The following ZNF790 variants were observed in gnomAD, a reference collection of about 807,000 sequenced individuals.
The protein encoded by ZNF790 is zinc finger protein 790.
In ZNF790, 8 loss-of-function variants were observed where a neutral mutation model predicts 12.1. The ratio of observed to expected loss-of-function variants is 0.66; its 90% CI spans 0.39 to 1.19. The LOEUF is 1.19. Among genes scored for constraint, ZNF790 ranks in the 50% most tolerant of loss-of-function variants. ZNF790 has a pLI of 0.01. For synonymous variants in ZNF790, 252 were observed against 244.3 expected, an observed-to-expected ratio of 1.03 and a Z score of -0.29; for missense variants, 707 against 752.2, an observed-to-expected ratio of 0.94 and a Z score of 0.70.
Position 36,819,586 on chromosome 19 carries a change from G to C in ZNF790, c.758C>G (p.Pro253Arg), listed in dbSNP as rs2071620756. ...TTTCCCACAATCCTTACATTTAAAA[G>C]GTTTCTCACCGGTATGAATTCTCTT... ...GHKRIHTGEK[P>R]FKCKDCGKAF... is the part of the protein sequence containing the mutation. Residue 253 changes from proline (P) to arginine (R), a missense_variant, in exon 5 of 5, where the codon CCT becomes CGT. Pro to Arg is a moderately radical substitution (Grantham distance 103). Coordinates refer to ENST00000356725, the MANE Select transcript of ZNF790 (RefSeq NM_206894.4). 2.5e-6 allele frequency: 4 copies of C among 1,610,382 alleles called. No individual in the cohort carries two copies. Among genetic ancestry groups the C allele is most frequent in the Non-Finnish European group, 3.4e-6 (4 of 1,178,096 alleles).
chr19:36,832,972 C>A (rs2071971022), intron 1 of ZNF790, among the ~76,000 whole-genome samples: 1 of 102,964 alleles, frequency 9.7e-6, no homozygotes, highest in African/African-American at 3.5e-5. Context: ...ATGAGACCTT[C>A]TCTAAAAAAA....
chr19:36,833,363 G>A (rs1014455120), intron 1 of ZNF790, among the ~76,000 whole-genome samples: 2 of 152,114 alleles, frequency 1.3e-5, no homozygotes, highest in Non-Finnish European at 2.9e-5. Context: ...GGCTGGTCTC[G>A]AACTCCTGAC....
intron 1 of ZNF790, among the ~76,000 whole-genome samples, 171 bp from the exon 2 acceptor site, chr19:36,825,863 T>C (rs2071785498): frequency 6.6e-6 from 1 of 152,190 alleles, no homozygotes; most frequent in South Asian, 2.1e-4. Flanking sequence ...GTCGAATCAC[T>C]TATGCCAAAA....
At position 36,823,310 on chromosome 19, in the gene ZNF790, C is replaced by T. The variant is rs1339132265; in HGVS notation, c.204G>A (p.Arg68=). The T allele has an allele frequency of 1.2e-6, 2 of 1,614,014 alleles. No individual in the cohort carries two copies. Among genetic ancestry groups the T allele is most frequent in the South Asian group, 1.1e-5 (1 of 91,070 alleles). Residue 68 remains arginine, a synonymous_variant, in exon 4 of 5, where the codon AGG becomes AGA. Coordinates refer to ENST00000356725, the MANE Select transcript of ZNF790 (RefSeq NM_206894.4). ...CTGGGCAAGGTCCTCTTGTCTCATCCCTCAAAATCTTCCAGGGCTCTTTCC... is the reference window on the plus strand; with the variant it reads ...CTGGGCAAGGTCCTCTTGTCTCATCTCTCAAAATCTTCCAGGGCTCTTTCC... ...EKGKEPWKIL[R]DETRGPCPDM...
intron 1 of ZNF790, among the ~76,000 whole-genome samples, chr19:36,834,325 C>G (rs2072001504): frequency 6.6e-6 from 1 of 150,494 alleles, no homozygotes; most frequent in Non-Finnish European, 1.5e-5. Flanking sequence ...ATACACAAAG[C>G]TGACAAGGGA....
At chr19:36,831,062 C>G (rs1005909427) in intron 1 of ZNF790, among the ~76,000 whole-genome samples, 56 of 151,976 alleles carry the variant, frequency 3.7e-4, no homozygotes, top group African/African-American at 1.4e-3. Flanking sequence ...TCACTTGAAC[C>G]TGGGAGGCAG....
chr19:36,840,798 A>C (rs1234638236), upstream of ZNF790, among the ~76,000 whole-genome samples: 2 of 152,172 alleles, frequency 1.3e-5, no homozygotes, highest in African/African-American at 2.4e-5. Context: ...TTTCAGCAAC[A>C]TCAAATTACA....
intron 1 of ZNF790, among the ~76,000 whole-genome samples, chr19:36,848,370 T>C (rs1486582398): frequency 6.6e-6 from 1 of 152,212 alleles, no homozygotes; most frequent in African/African-American, 2.4e-5. Context: ...GAAGCCTTCA[T>C]AGAAACACAA....
At chr19:36,848,805 GTTT>G (rs11405821) in intron 1 of ZNF790, among the ~76,000 whole-genome samples, 12 of 151,784 alleles carry the variant, frequency 7.9e-5, no homozygotes, top group Non-Finnish European at 1.6e-4. Context: ...TTTTTTGGGG[GTTT>G]TTTGAGACGG....
Position 36,820,101 on chromosome 19 carries a change from C to A in ZNF790, c.243G>T (p.Arg81Ser). The A allele has an allele frequency of 1.2e-6, 2 of 1,601,792 alleles. No individual in the cohort carries two copies. Among genetic ancestry groups the A allele is most frequent in the Non-Finnish European group, 1.7e-6 (2 of 1,178,088 alleles). ...TTGGTAATAACTTCTTGGTCTGACA[C>A]CTCGACTGCATGTCTGAAAAATAAG... Reference protein sequence around the residue: ...TRGPCPDMQSRCQTKKLLPKN... With the variant: ...TRGPCPDMQSSCQTKKLLPKN... Residue 81 changes from arginine (R) to serine (S), a missense_variant, in exon 5 of 5, where the codon AGG (arginine) becomes AGT (serine). Physicochemically the swap from Arg to Ser is moderately radical, Grantham distance 110. Coordinates refer to ENST00000356725, the MANE Select transcript of ZNF790 (RefSeq NM_206894.4).
chr19:36,840,941 C>G (rs2072124786), upstream of ZNF790, among the ~76,000 whole-genome samples: 1 of 152,156 alleles, frequency 6.6e-6, no homozygotes, highest in African/African-American at 2.4e-5. Context: ...GATTGCACCA[C>G]TGCACTCTAG....
rs1275704529 is a variant in ZNF790 at position 36,819,135 on chromosome 19, A to G, written c.1209T>C (p.Tyr403=). ...GTCGAGCAAGGTGTGAGCTCCAAAT[A>G]TAGGCTTTCCCACATTTCTCACATT... ...PYKCEKCGKA[Y]IWSSHLARHQ... is the part of the protein sequence containing the mutation. The change falls in exon 5 of 5, where the codon TAT becomes TAC. Residue 403 remains tyrosine, a synonymous_variant. Coordinates refer to ENST00000356725, the MANE Select transcript of ZNF790 (RefSeq NM_206894.4). 5 of 1,613,516 alleles carry G rather than the reference A, an allele frequency of 3.1e-6. No homozygotes were observed. Among genetic ancestry groups the G allele is most frequent in the East Asian group, 2.2e-5 (1 of 44,888 alleles).
intron 1 of ZNF790, among the ~76,000 whole-genome samples, chr19:36,837,180 T>C (rs1291825137): frequency 6.6e-6 from 1 of 152,232 alleles, no homozygotes; most frequent in Non-Finnish European, 1.5e-5. Context: ...TCAAGTCTCA[T>C]TTGTCCCCTT....
intron 1 of ZNF790, among the ~76,000 whole-genome samples, chr19:36,835,259 C>T (rs769412701): frequency 2.0e-5 from 3 of 151,920 alleles, no homozygotes; most frequent in Admixed American, 2.0e-4. Context: ...CCAGCCTGGG[C>T]GACAGAGGGA....
At chr19:36,841,458 A>G (rs1459430494), upstream of ZNF790, among the ~76,000 whole-genome samples, 2 of 151,724 alleles carry the variant, frequency 1.3e-5, no homozygotes, top group Non-Finnish European at 2.9e-5. Flanking sequence ...CATCTCTACT[A>G]AAAATACAAA....
intron 1 of ZNF790, among the ~76,000 whole-genome samples, chr19:36,827,117 T>TACACACACACACACACAC (rs760453936): frequency 2.5e-3 from 149 of 60,684 alleles, no homozygotes; most frequent in Non-Finnish European, 3.0e-3. Flanking sequence ...TATATACACA[T>TACACACACACACACACAC]ACACACACAC....
chr19:36,819,573 C>T lies in ZNF790; in HGVS notation c.771G>A (p.Lys257=), dbSNP rs753289039. ...GAAATCTAAAGGCTTTCCCACAATC[C>T]TTACATTTAAAAGGTTTCTCACCGG... ...IHTGEKPFKC[K]DCGKAFRFHS... Residue 257 remains lysine (K), a synonymous_variant, in exon 5 of 5, where the codon AAG becomes AAA. Transcript: ENST00000356725. The T allele has an allele frequency of 3.7e-6, 6 of 1,611,360 alleles. No individual in the cohort carries two copies. In the South Asian group the frequency reaches 5.5e-5, roughly 15 times the overall value.
Sources: allele counts gnomAD v4.1 joint callset (sites outside exome capture counted in the v4.1 genomes callset), GRCh38; gene constraint gnomAD v4.1.1; transcripts MANE v1.5; gene names NCBI Gene and HGNC (gene_info 2026-07-23, HGNC 2026-07-21).